Variants in NAA35 observed in about 807,000 individuals in gnomAD.
NAA35 encodes the protein MAK10 homolog, amino-acid N-acetyltransferase subunit.
Under a neutral mutation model 101.7 loss-of-function variants are expected in NAA35, and 18 were observed. That is an observed-to-expected ratio of 0.18 (90% confidence interval 0.12 to 0.26). NAA35 has a LOEUF of 0.26. Ranked by LOEUF, NAA35 falls within the 10% of genes least tolerant of loss-of-function variation. The pLI, the probability that NAA35 is intolerant of heterozygous loss-of-function variation, is 1.00. For synonymous variants in NAA35, 267 were observed against 273.1 expected (o/e 0.98, Z 0.22); for missense variants, 601 against 886.8 (o/e 0.68, Z 4.09).
chr9:85,961,323 CTGTT>C (rs1224361768), intron 5 of NAA35, among the ~76,000 whole-genome samples: 1 of 152,100 alleles, frequency 6.6e-6, no homozygotes, highest in Non-Finnish European at 1.5e-5. Context: ...AACTCTTACT[CTGTT>C]TCTTTACATA....
At chr9:85,971,118 C>A (rs760194535) in intron 6 of NAA35, among the ~76,000 whole-genome samples, 7 of 152,190 alleles carry the variant, frequency 4.6e-5, no homozygotes, top group Non-Finnish European at 8.8e-5. Flanking sequence ...TTTCCTTGAT[C>A]CCATGGCTCC....
At chr9:85,969,439 T>G (rs1024521867) in intron 6 of NAA35, among the ~76,000 whole-genome samples, 2 of 152,168 alleles carry the variant, frequency 1.3e-5, no homozygotes, top group Non-Finnish European at 1.5e-5. Flanking sequence ...TAACTTCTGT[T>G]TGTGCATTGA....
At chr9:85,989,161 T>G (rs1389658123) in intron 11 of NAA35, among the ~76,000 whole-genome samples, 1 of 152,148 alleles carries the variant, frequency 6.6e-6, no homozygotes, top group Non-Finnish European at 1.5e-5. Context: ...TAACAATATC[T>G]TCAAAGTCCT....
chr9:85,980,386 C>CA (rs1830388344), intron 11 of NAA35, among the ~76,000 whole-genome samples: 1 of 152,200 alleles, frequency 6.6e-6, no homozygotes, highest in African/African-American at 2.4e-5. Context: ...GCCTTGTACT[C>CA]ATGCCTGTCT....
chr9:85,959,822 C>G lies in NAA35; in HGVS notation c.303C>G (p.Thr101=). Residue 101 remains threonine (T), a synonymous_variant, in exon 5 of 23, where the codon ACC becomes ACG. Transcript: ENST00000361671. Reference sequence around the variant, plus strand: ...GCACTATTAAAATTAAAGATCTCACCTTGCCTGAACTGATAGGGATTATGG... The same window carrying G: ...GCACTATTAAAATTAAAGATCTCACGTTGCCTGAACTGATAGGGATTATGG... The part of the protein sequence containing the change: ...KDGTIKIKDL[T]LPELIGIMDT... 1.2e-6 allele frequency: 2 copies of G among 1,610,294 alleles called. No homozygotes were observed. Among genetic ancestry groups the G allele is most frequent in the Non-Finnish European group, 1.7e-6 (2 of 1,178,570 alleles).
intron 2 of NAA35, among the ~76,000 whole-genome samples, chr9:85,948,546 A>G (rs1828866028): frequency 6.6e-6 from 1 of 152,130 alleles, no homozygotes; most frequent in Non-Finnish European, 1.5e-5. Flanking sequence ...GTGATTGGAT[A>G]TCATTATTAT....
At chr9:86,013,272 A>G (rs1477599301) in intron 16 of NAA35, 128 bp downstream of exon 16, 3 of 521,598 alleles carry the variant, frequency 5.8e-6, no homozygotes, top group Non-Finnish European at 6.5e-6. Context: ...CACTTAAAAT[A>G]TAACAGTTTC....
intron 8 of NAA35, among the ~76,000 whole-genome samples, chr9:85,975,713 C>G (rs1453734319): frequency 6.6e-6 from 1 of 151,872 alleles, no homozygotes; most frequent in Non-Finnish European, 1.5e-5. Flanking sequence ...TTGATTCTTT[C>G]AACTTTTTGC....
chr9:85,978,507 ACAGTGTTTAG>A, intron 11 of NAA35, 126 bp downstream of exon 11: 1 of 640,780 alleles, frequency 1.6e-6, no homozygotes, highest in East Asian at 2.7e-5. Flanking sequence ...CCAGAGACTT[ACAGTGTTTAG>A]GCTCTTCTCT....
At position 86,022,298 on chromosome 9, in the gene NAA35, A is replaced by G. The variant is rs1032031974; in HGVS notation, c.*338A>G. 5.6e-6 allele frequency: 1 copy of G among 178,620 alleles called. No homozygotes were observed. Among genetic ancestry groups the G allele is most frequent in the African/African-American group, 2.4e-5 (1 of 41,950 alleles). 11.1% of individuals were successfully genotyped at this position (178,620 alleles called of 1,614,324 possible). On this transcript the variant is annotated 3_prime_UTR_variant, in exon 23 of 23. Coordinates refer to ENST00000361671, the MANE Select transcript of NAA35 (RefSeq NM_024635.4). Reference sequence around the variant, plus strand: ...TAATAAATTTCTTGACAAAAAAAAAATGCACTGCTGGAGATGAAAAACAGT... The same window carrying G: ...TAATAAATTTCTTGACAAAAAAAAAGTGCACTGCTGGAGATGAAAAACAGT...
rs1293854867 is a variant in NAA35, at chr9:86,022,826, T to G, written c.*866T>G. ...GGCCCTCCCCTTCCTTTCCTGCTTG[T>G]CCTGTGTCTGCTCTGATGTTTGCGG... On this transcript the variant is annotated 3_prime_UTR_variant, in exon 23 of 23. Transcript: ENST00000361671. 6.6e-6 allele frequency among the ~76,000 whole-genome samples: 1 copy of G among 152,144 alleles called. No homozygotes were observed. Among genetic ancestry groups the G allele is most frequent in the Non-Finnish European group, 1.5e-5 (1 of 68,030 alleles).
intron 6 of NAA35, among the ~76,000 whole-genome samples, chr9:85,970,529 C>G (rs1349852582): frequency 6.6e-6 from 1 of 152,114 alleles, no homozygotes; most frequent in Non-Finnish European, 1.5e-5. Context: ...CAGATTGACA[C>G]GTGCCGGCTT....
At position 85,991,668 on chromosome 9, in the gene NAA35, G is replaced by T. The variant is rs1208938644; in HGVS notation, c.878-4731G>T. Among the ~76,000 whole-genome samples the T allele has an allele frequency of 2.6e-5, 4 of 152,090 alleles. No individual in the cohort carries two copies. In the East Asian group the frequency reaches 7.7e-4, roughly 29 times the overall value. On this transcript the variant is annotated intron_variant, in intron 11 of 22. Transcript: ENST00000361671. ...TAGAGGAGTGCCAAATGGAGTGGAG[G>T]TTATGGTGGCCTAACATGTCAATGA...
intron 6 of NAA35, among the ~76,000 whole-genome samples, chr9:85,972,984 G>A (rs1252621458): frequency 6.6e-6 from 1 of 152,206 alleles, no homozygotes; most frequent in Non-Finnish European, 1.5e-5. Context: ...AGCAGGCTAA[G>A]GGGATATAAA....
intron 2 of NAA35, among the ~76,000 whole-genome samples, chr9:85,946,133 G>A (rs928073102): frequency 2.6e-5 from 4 of 151,566 alleles, no homozygotes; most frequent in Non-Finnish European, 4.4e-5. Context: ...AAATTAGTAA[G>A]TTAAATTTTT....
At chr9:85,960,140 C>A (rs936930522) in intron 5 of NAA35, among the ~76,000 whole-genome samples, 2 of 152,114 alleles carry the variant, frequency 1.3e-5, no homozygotes, top group African/African-American at 4.8e-5. Context: ...TCTCAAGTTA[C>A]TCAAGTGATA....
At chr9:86,004,604 A>T (rs911823402) in intron 13 of NAA35, among the ~76,000 whole-genome samples, 1 of 152,222 alleles carries the variant, frequency 6.6e-6, no homozygotes, top group African/African-American at 2.4e-5. Flanking sequence ...CAGAAAAACA[A>T]TGGAGAAAAT....
intron 3 of NAA35, among the ~76,000 whole-genome samples, chr9:85,957,788 C>T (rs184596387): frequency 2.5e-4 from 38 of 152,160 alleles, no homozygotes; most frequent in African/African-American, 9.2e-4. Flanking sequence ...ATTGTGGTTG[C>T]AGGGAAGGGG....
At chr9:85,979,797 C>T (rs148971656) in intron 11 of NAA35, among the ~76,000 whole-genome samples, 255 of 152,324 alleles carry the variant, frequency 1.7e-3, no homozygotes, top group African/African-American at 5.8e-3. Context: ...GGTTTTTCCA[C>T]ACACACCAGC....
Sources: allele counts gnomAD v4.1 joint callset (sites outside exome capture counted in the v4.1 genomes callset), GRCh38; gene constraint gnomAD v4.1.1; transcripts MANE v1.5; gene names NCBI Gene and HGNC (gene_info 2026-07-23, HGNC 2026-07-21).